Variants in ME3 observed in about 807,000 individuals in gnomAD.
ME3 encodes the protein NADP-dependent malic enzyme, mitochondrial.
In ME3, 48 loss-of-function variants were observed where a neutral mutation model predicts 68.9. That is an observed-to-expected ratio of 0.70 (90% CI 0.55 to 0.89). The LOEUF (loss-of-function observed/expected upper bound fraction) is 0.89. ME3 is among the 40% of genes least tolerant of loss of function. The pLI, the probability that ME3 is intolerant of heterozygous loss-of-function variation, is 0.00. For missense variants in ME3, 675 were observed against 797.4 expected (o/e 0.85, Z 1.85); for synonymous variants, 320 against 318.8 (o/e 1.00, Z -0.04).
At chr11:86,475,509 A>G (rs965683854) in intron 7 of ME3, among the ~76,000 whole-genome samples, 12 of 152,194 alleles carry the variant, frequency 7.9e-5, no homozygotes, top group Admixed American at 6.5e-4. Context: ...GAACTAATAT[A>G]TTTGTATTGG....
At chr11:86,601,247 G>T (rs1363438355) in intron 2 of ME3, among the ~76,000 whole-genome samples, 2 of 152,068 alleles carry the variant, frequency 1.3e-5, no homozygotes, top group African/African-American at 2.4e-5. Context: ...TCAAATAGAT[G>T]CAATAAAAAA....
intron 2 of ME3, among the ~76,000 whole-genome samples, chr11:86,616,706 G>A (rs918227951): frequency 1.3e-5 from 2 of 152,266 alleles, no homozygotes; most frequent in African/African-American, 4.8e-5. Context: ...CCTAGCCAGT[G>A]CCCTTTAGGA....
intron 7 of ME3, among the ~76,000 whole-genome samples, chr11:86,465,590 G>A (rs1486344131): frequency 2.6e-5 from 4 of 152,136 alleles, no homozygotes; most frequent in African/African-American, 7.2e-5. Context: ...CCACATCCAA[G>A]TGCATGCAGA....
intron 2 of ME3, among the ~76,000 whole-genome samples, chr11:86,669,907 T>C (rs1946814192): frequency 6.6e-6 from 1 of 152,216 alleles, no homozygotes; most frequent in South Asian, 2.1e-4. Flanking sequence ...TCTAAGGCAA[T>C]TATTTTCACA....
At chr11:86,626,775 T>G (rs1450578892) in intron 2 of ME3, among the ~76,000 whole-genome samples, 1 of 152,246 alleles carries the variant, frequency 6.6e-6, no homozygotes, top group African/African-American at 2.4e-5. Flanking sequence ...ATGAACTGAA[T>G]TTGGCACATG....
chr11:86,475,331 T>C (rs1377586749), intron 7 of ME3, among the ~76,000 whole-genome samples: 1 of 152,198 alleles, frequency 6.6e-6, no homozygotes, highest in Non-Finnish European at 1.5e-5. Context: ...ATATACCTTC[T>C]CCCGCTTTGC....
chr11:86,664,405 A>T (rs1946466707), intron 2 of ME3, among the ~76,000 whole-genome samples: 1 of 152,236 alleles, frequency 6.6e-6, no homozygotes, highest in Non-Finnish European at 1.5e-5. Context: ...CTTAATAATG[A>T]TTACACAAAT....
intron 3 of ME3, among the ~76,000 whole-genome samples, chr11:86,558,394 C>G (rs375967064): frequency 6.6e-6 from 1 of 152,136 alleles, no homozygotes; most frequent in Non-Finnish European, 1.5e-5. Flanking sequence ...GGATATTTGG[C>G]CTGACTACAG....
At chr11:86,611,086 C>T (rs1187439502) in intron 2 of ME3, among the ~76,000 whole-genome samples, 3 of 152,084 alleles carry the variant, frequency 2.0e-5, no homozygotes, top group African/African-American at 4.8e-5. Flanking sequence ...GAAATCTTGC[C>T]ATTTGCCAAA....
chr11:86,438,924 T>A (rs1948911851), downstream of ME3, among the ~76,000 whole-genome samples: 4 of 152,204 alleles, frequency 2.6e-5, no homozygotes, highest in South Asian at 8.3e-4. Context: ...TTCTAAGATC[T>A]ACAGGGTGAG....
At chr11:86,657,298 A>AT (rs1945959197) in intron 2 of ME3, among the ~76,000 whole-genome samples, 1 of 152,188 alleles carries the variant, frequency 6.6e-6, no homozygotes, top group Non-Finnish European at 1.5e-5. Flanking sequence ...ATAAAAAAGA[A>AT]TGAGATTGTG....
chr11:86,600,659 G>T lies in ME3; in HGVS notation c.184-40836C>A, dbSNP rs548340894. ...ATCAACAGAATATACATTTTTTTCA[G>T]CACTACACCACACCTATTCCAAAAT... On this transcript the variant is annotated intron_variant, in intron 2 of 14. Coordinates refer to ENST00000543262, the Ensembl canonical transcript of ME3. Among the ~76,000 whole-genome samples the T allele has an allele frequency of 5.2e-3, 792 of 151,962 alleles. 4 individuals are homozygous for T. Among genetic ancestry groups the T allele is most frequent in the African/African-American group, 0.018 (749 of 41,414 alleles).
chr11:86,465,475 C>T (rs1434339649), intron 7 of ME3, among the ~76,000 whole-genome samples: 1 of 152,100 alleles, frequency 6.6e-6, no homozygotes. Flanking sequence ...GCGCTGGTGG[C>T]TCCCATGGCT....
At chr11:86,638,902 A>G (rs751548965) in intron 2 of ME3, among the ~76,000 whole-genome samples, 1 of 152,154 alleles carries the variant, frequency 6.6e-6, no homozygotes, top group Non-Finnish European at 1.5e-5. Context: ...CTCCTCATCA[A>G]AATGTGAACC....
At chr11:86,574,409 G>A (rs1376976567) in intron 2 of ME3, among the ~76,000 whole-genome samples, 1 of 146,004 alleles carries the variant, frequency 6.8e-6, no homozygotes, top group African/African-American at 2.6e-5. Context: ...GGGGGGGGGG[G>A]GGTGTCTTTT....
At chr11:86,486,795 C>A (rs1327738059) in intron 7 of ME3, among the ~76,000 whole-genome samples, 1 of 152,168 alleles carries the variant, frequency 6.6e-6, no homozygotes, top group Non-Finnish European at 1.5e-5. Flanking sequence ...ATGGGGCAGG[C>A]AAGTGGGGTG....
chr11:86,652,374 C>A (rs1288903394), intron 2 of ME3, among the ~76,000 whole-genome samples: 1 of 152,164 alleles, frequency 6.6e-6, no homozygotes, highest in African/African-American at 2.4e-5. Context: ...AAGGGAAGCC[C>A]ATCAGACTAA....
chr11:86,640,764 T>C (rs1944617784), intron 2 of ME3, among the ~76,000 whole-genome samples: 1 of 152,218 alleles, frequency 6.6e-6, no homozygotes, highest in Admixed American at 6.5e-5. Context: ...TGATACAGTA[T>C]CCAACTCCTG....
chr11:86,448,060 ACTTAGG>A, intron 11 of ME3, 84 bp downstream of exon 11: 2 of 867,618 alleles, frequency 2.3e-6, no homozygotes, highest in Non-Finnish European at 1.9e-6. Flanking sequence ...TCCATGGGTT[ACTTAGG>A]CTTCCTAGCT....
Sources: allele counts gnomAD v4.1 joint callset (sites outside exome capture counted in the v4.1 genomes callset), GRCh38; gene constraint gnomAD v4.1.1; transcripts MANE v1.5; gene names NCBI Gene and HGNC (gene_info 2026-07-23, HGNC 2026-07-21).